The following RB1CC1 variants were observed in gnomAD, a reference collection of about 807,000 sequenced individuals.
The protein encoded by RB1CC1 is RB1 inducible coiled-coil 1, also known as RB1-inducible coiled-coil protein 1.
In RB1CC1, 46 loss-of-function variants were observed where a neutral mutation model predicts 177.5. The ratio of observed to expected loss-of-function variants is 0.26; its 90% CI spans 0.20 to 0.33. RB1CC1 has a LOEUF of 0.33. RB1CC1 is among the 10% of genes least tolerant of loss of function. The pLI is 1.00. For missense variants in RB1CC1, 1,703 were observed against 1,816.3 expected (o/e 0.94, Z 1.13); for synonymous variants, 666 against 613.6 (o/e 1.09, Z -1.26).
intron 7 of RB1CC1, among the ~76,000 whole-genome samples, chr8:52,669,118 T>C (rs1852332064): frequency 6.6e-6 from 1 of 152,226 alleles, no homozygotes; most frequent in African/African-American, 2.4e-5. Context: ...TTTACTAACA[T>C]CTACATTTGG....
chr8:52,667,671 G>A (rs973904277), intron 8 of RB1CC1, among the ~76,000 whole-genome samples: 3 of 152,074 alleles, frequency 2.0e-5, no homozygotes, highest in Non-Finnish European at 4.4e-5. Flanking sequence ...TCAAGATTTC[G>A]TATTCTCCTA....
intron 1 of RB1CC1, among the ~76,000 whole-genome samples, chr8:52,707,125 A>C (rs973652756): frequency 6.6e-6 from 1 of 152,238 alleles, no homozygotes; most frequent in African/African-American, 2.4e-5. Flanking sequence ...CCTGTCTCAC[A>C]GGGTTGTGGT....
intron 23 of RB1CC1, 131 bp from the exon 24 acceptor site, chr8:52,623,990 C>T: frequency 1.6e-6 from 1 of 644,690 alleles, no homozygotes; most frequent in East Asian, 2.7e-5. Context: ...CAAGTACCCT[C>T]CTATCATATT....
At chr8:52,626,473 ATATT>A (rs1848399258) in intron 22 of RB1CC1, among the ~76,000 whole-genome samples, 1 of 152,222 alleles carries the variant, frequency 6.6e-6, no homozygotes, top group East Asian at 1.9e-4. Flanking sequence ...ACATTTGTGT[ATATT>A]TATATCTTAG....
chr8:52,690,188 A>T (rs1490449689), intron 1 of RB1CC1, among the ~76,000 whole-genome samples: 2 of 152,258 alleles, frequency 1.3e-5, no homozygotes, highest in African/African-American at 4.8e-5. Flanking sequence ...TGAGTGAATG[A>T]ATACCAAATC....
chr8:52,646,217 C>T (rs1354885429), intron 15 of RB1CC1, among the ~76,000 whole-genome samples: 2 of 152,098 alleles, frequency 1.3e-5, no homozygotes, highest in Non-Finnish European at 2.9e-5. Flanking sequence ...AATCCTAGCA[C>T]TTTGGGAGGC....
chr8:52,672,913 A>G (rs535791418), intron 7 of RB1CC1, among the ~76,000 whole-genome samples: 2 of 152,352 alleles, frequency 1.3e-5, no homozygotes, highest in African/African-American at 4.8e-5. Flanking sequence ...AACATATTAC[A>G]TACTTCTCTG....
chr8:52,685,214 G>C (rs543949563), intron 3 of RB1CC1, among the ~76,000 whole-genome samples, 185 bp downstream of exon 3: 1 of 152,136 alleles, frequency 6.6e-6, no homozygotes, highest in East Asian at 1.9e-4. Flanking sequence ...ATGTTGGCCA[G>C]GATGGTCTCG....
chr8:52,691,773 C>A (rs562447417), intron 1 of RB1CC1, among the ~76,000 whole-genome samples: 1 of 152,316 alleles, frequency 6.6e-6, no homozygotes, highest in East Asian at 1.9e-4. Flanking sequence ...AGAGAAAAAT[C>A]CAACTACTAA....
Position 52,683,723 on chromosome 8 carries a change from T to C in RB1CC1, c.199-4A>G, listed in dbSNP as rs759015249. On this transcript the variant is annotated splice_polypyrimidine_tract_variant and splice_region_variant and intron_variant, in intron 4 of 23. Transcript: ENST00000025008. The stretch of plus-strand genomic sequence containing the variant: ...AAAGAAAAATTGGATTTGTATCCTA[T>C]ATTTTTTAAAAAAGGAGAAATAACC... The C allele has an allele frequency of 2.5e-6, 4 of 1,571,234 alleles. No individual in the cohort carries two copies. The South Asian group carries it at 3.5e-5, about 14-fold the overall frequency.
intron 1 of RB1CC1, among the ~76,000 whole-genome samples, chr8:52,698,604 G>A (rs1466962284): frequency 5.6e-5 from 8 of 142,412 alleles, no homozygotes; most frequent in African/African-American, 2.1e-4. Context: ...GAGCCACTGC[G>A]CCTGGCCAGA....
intron 1 of RB1CC1, among the ~76,000 whole-genome samples, chr8:52,687,645 T>A (rs1854388273): frequency 1.3e-5 from 2 of 152,136 alleles, no homozygotes; most frequent in South Asian, 2.1e-4. Context: ...AGTCTCAGTC[T>A]GACAATTCTC....
chr8:52,660,610 G>T lies in RB1CC1; in HGVS notation c.1675C>A (p.Pro559Thr). The change falls in exon 12 of 24, where the codon CCC (proline) becomes ACC (threonine). Residue 559 changes from proline (P) to threonine (T), a missense_variant. Coordinates refer to ENST00000025008, the MANE Select transcript of RB1CC1 (RefSeq NM_014781.5). ...TAAATACATACACAAAAGGAAGGGG[G>T]CCAGGAGTCCAGTCCCCTAAACAGA... ...NRLFRGLDSWPPSFCTQKPRK... is the reference protein window; with the variant it reads ...NRLFRGLDSWTPSFCTQKPRK... 6.3e-7 allele frequency: 1 copy of T among 1,589,336 alleles called. No homozygotes were observed. Among genetic ancestry groups the T allele is most frequent in the Non-Finnish European group, 8.5e-7 (1 of 1,170,952 alleles).
chr8:52,674,546 A>G (rs1852911282), intron 6 of RB1CC1, among the ~76,000 whole-genome samples: 1 of 152,090 alleles, frequency 6.6e-6, no homozygotes, highest in African/African-American at 2.4e-5. Context: ...AGGGCAGCAA[A>G]TCATTTGAGG....
intron 19 of RB1CC1, among the ~76,000 whole-genome samples, chr8:52,635,604 C>T (rs1048338122): frequency 6.6e-6 from 1 of 151,988 alleles, no homozygotes; most frequent in African/African-American, 2.4e-5. Flanking sequence ...ACATAACTCC[C>T]TTCATTACTT....
At chr8:52,681,552 T>C (rs1853719901) in intron 5 of RB1CC1, among the ~76,000 whole-genome samples, 1 of 152,160 alleles carries the variant, frequency 6.6e-6, no homozygotes. Context: ...ATTAGACCTA[T>C]GTTACTGTTT....
chr8:52,690,670 A>T (rs1854768718), intron 1 of RB1CC1, among the ~76,000 whole-genome samples: 1 of 152,104 alleles, frequency 6.6e-6, no homozygotes, highest in African/African-American at 2.4e-5. Context: ...TAATCACTGT[A>T]TTGTTTTTTG....
chr8:52,704,924 C>T (rs1280485753), intron 1 of RB1CC1, among the ~76,000 whole-genome samples: 1 of 152,028 alleles, frequency 6.6e-6, no homozygotes, highest in Non-Finnish European at 1.5e-5. Context: ...AAAATGAAAC[C>T]ATATTTAATA....
At chr8:52,649,396 G>C (rs1850361317) in intron 15 of RB1CC1, among the ~76,000 whole-genome samples, 1 of 152,110 alleles carries the variant, frequency 6.6e-6, no homozygotes, top group African/African-American at 2.4e-5. Flanking sequence ...TTCTAGCAAA[G>C]GACTGTATTA....
Sources: allele counts gnomAD v4.1 joint callset (sites outside exome capture counted in the v4.1 genomes callset), GRCh38; gene constraint gnomAD v4.1.1; transcripts MANE v1.5; gene names NCBI Gene and HGNC (gene_info 2026-07-23, HGNC 2026-07-21).